The following SGSM1 variants were observed in gnomAD, a reference collection of about 807,000 sequenced individuals.
SGSM1 encodes the protein RUN and TBC1 domain containing 2.
In SGSM1, 73 loss-of-function variants were observed where a neutral mutation model predicts 133.8. The ratio of observed to expected loss-of-function variants is 0.55; its 90% CI spans 0.45 to 0.66. The LOEUF is 0.66. SGSM1 is among the 30% of genes least tolerant of loss of function. The probability of loss-of-function intolerance (pLI) is 0.00; values close to 1 mark genes in which losing one functional copy is unlikely to be tolerated. For missense variants in SGSM1, 1,213 were observed against 1,448.1 expected, an observed-to-expected ratio of 0.84 and a Z score of 2.64; for synonymous variants, 563 against 573.0, an observed-to-expected ratio of 0.98 and a Z score of 0.25.
rs1375025699 is a variant in SGSM1, at chr22:24,844,771, G to C, written c.64-126G>C. ...AGGCGAGGAGGGGGAAGGAAAGCAG[G>C]TGTCAAAACATCCCAAACAGCCTGA... On this transcript the variant is annotated intron_variant, in intron 2 of 24. Transcript: ENST00000400358. 48 of 684,208 alleles carry C rather than the reference G, an allele frequency of 7.0e-5. No homozygotes were observed. In the East Asian group the frequency reaches 1.3e-3, roughly 19 times the overall value. The allele number at this position is 684,208 out of a possible 1,614,324, so 42.4% of individuals were successfully genotyped here. A position where few individuals can be genotyped will look rare whatever the true frequency, so the allele number is the denominator to read the frequency against.
chr22:24,829,321 A>C (rs7285879), intron 2 of SGSM1, among the ~76,000 whole-genome samples: 13,620 of 152,176 alleles, frequency 0.09, 2,045 homozygotes, highest in African/African-American at 0.31. Flanking sequence ...TATAAATGAG[A>C]GCTAAATGAT....
chr22:24,841,689 G>A (rs531749673), intron 2 of SGSM1, among the ~76,000 whole-genome samples: 23 of 152,288 alleles, frequency 1.5e-4, no homozygotes, highest in East Asian at 7.7e-4. Flanking sequence ...GCTGAGAAAC[G>A]GTTGGAATCT....
chr22:24,829,781 C>T (rs1014360741), intron 2 of SGSM1, among the ~76,000 whole-genome samples: 1 of 152,184 alleles, frequency 6.6e-6, no homozygotes, highest in African/African-American at 2.4e-5. Flanking sequence ...TACACAGTTC[C>T]TGGAACGTAG....
intron 2 of SGSM1, among the ~76,000 whole-genome samples, chr22:24,833,643 C>T (rs960706248): frequency 1.3e-4 from 18 of 137,918 alleles, no homozygotes; most frequent in East Asian, 2.1e-4. Context: ...GGCGACAGAG[C>T]GAGACTCCGT....
intron 14 of SGSM1, among the ~76,000 whole-genome samples, chr22:24,882,824 C>T (rs571357364): frequency 1.1e-4 from 16 of 152,140 alleles, no homozygotes; most frequent in Non-Finnish European, 1.8e-4. Flanking sequence ...CATGCTGCTG[C>T]GCATGACAGG....
chr22:24,850,717 C>T (rs935387153), intron 5 of SGSM1, among the ~76,000 whole-genome samples: 5 of 152,184 alleles, frequency 3.3e-5, no homozygotes, highest in African/African-American at 1.2e-4. Flanking sequence ...CTCTCTGTGC[C>T]CGTTATCTCT....
chr22:24,921,614 T>G (rs1934011110), intron 24 of SGSM1, among the ~76,000 whole-genome samples: 1 of 152,148 alleles, frequency 6.6e-6, no homozygotes, highest in African/African-American at 2.4e-5. Context: ...GCCAAAAGTT[T>G]CATTTAGTAA....
At chr22:24,896,075 G>A (rs766968308) in intron 18 of SGSM1, among the ~76,000 whole-genome samples, 8 of 152,036 alleles carry the variant, frequency 5.3e-5, no homozygotes, top group Non-Finnish European at 8.8e-5. Flanking sequence ...AAAGCCAAGT[G>A]CAAAAACATG....
Position 24,859,763 on chromosome 22 carries a change from G to A in SGSM1, c.849G>A (p.Thr283=), listed in dbSNP as rs777197976. ...AVPGYLSLHQ[T]ADVMTLKWTP... is the part of the protein sequence containing the mutation. The stretch of plus-strand genomic sequence containing the variant: ...CAGGGTACCTGTCCCTGCACCAGAC[G>A]GCTGACGTCATGACCTTGAAGTGGA... Residue 283 remains threonine (T), a synonymous_variant, in exon 9 of 25, where the codon ACG becomes ACA. Transcript: ENST00000400358. 4 of 1,613,942 alleles carry A rather than the reference G, an allele frequency of 2.5e-6. No individual in the cohort carries two copies. The highest frequency in any genetic ancestry group is 2.2e-5 in the South Asian group (2 of 91,084).
chr22:24,881,778 A>G (rs1181960152), intron 14 of SGSM1, among the ~76,000 whole-genome samples: 1 of 152,206 alleles, frequency 6.6e-6, no homozygotes, highest in Non-Finnish European at 1.5e-5. Context: ...CAGAAGGTCC[A>G]GGGTTCTCTC....
At chr22:24,831,519 T>C (rs1929119639) in intron 2 of SGSM1, among the ~76,000 whole-genome samples, 1 of 152,140 alleles carries the variant, frequency 6.6e-6, no homozygotes. Flanking sequence ...ACAGTTCTGA[T>C]GGGATCTGGG....
intron 24 of SGSM1, among the ~76,000 whole-genome samples, chr22:24,922,856 A>G (rs945947326): frequency 2.6e-5 from 4 of 152,234 alleles, no homozygotes; most frequent in African/African-American, 7.2e-5. Context: ...CCCTGGGTAC[A>G]GTGGCTTACG....
chr22:24,850,471 C>G, intron 5 of SGSM1, 39 bp downstream of exon 5: 7 of 1,598,418 alleles, frequency 4.4e-6, no homozygotes, highest in Non-Finnish European at 6.0e-6. Flanking sequence ...ATGCTCTGCC[C>G]CCACCTGCCG....
At chr22:24,869,001 C>T (rs1452140484) in intron 12 of SGSM1, 146 bp downstream of exon 12, 2 of 1,229,338 alleles carry the variant, frequency 1.6e-6, no homozygotes, top group Non-Finnish European at 2.2e-6. Context: ...TCTTGGCAGC[C>T]TCAGTTTCCC....
intron 19 of SGSM1, among the ~76,000 whole-genome samples, chr22:24,900,462 T>A (rs75045783): frequency 6.6e-6 from 1 of 151,482 alleles, no homozygotes; most frequent in Non-Finnish European, 1.5e-5. Context: ...TGCAATGGCG[T>A]GATCTCGACT....
At chr22:24,854,082 A>G (rs926074911) in intron 5 of SGSM1, among the ~76,000 whole-genome samples, 1 of 152,140 alleles carries the variant, frequency 6.6e-6, no homozygotes, top group African/African-American at 2.4e-5. Context: ...GGTCCCTCCC[A>G]CAATATGTGG....
At chr22:24,885,534 G>A (rs1395016851) in intron 15 of SGSM1, among the ~76,000 whole-genome samples, 1 of 151,358 alleles carries the variant, frequency 6.6e-6, no homozygotes, top group Non-Finnish European at 1.5e-5. Flanking sequence ...CGCTTCCCGG[G>A]TTCAAGCGAT....
At chr22:24,886,504 G>C (rs1431660388) in intron 15 of SGSM1, 96 bp from the exon 16 acceptor site, 1 of 1,461,720 alleles carries the variant, frequency 6.8e-7, no homozygotes, top group Non-Finnish European at 9.2e-7. Flanking sequence ...AGGAGTTCAA[G>C]ACCAATCTGG....
chr22:24,902,652 A>G (rs1044802522), intron 20 of SGSM1, among the ~76,000 whole-genome samples: 2 of 152,078 alleles, frequency 1.3e-5, no homozygotes, highest in Admixed American at 6.6e-5. Context: ...ACACCATTGT[A>G]CTCCAGCCTG....
Sources: gnomAD v4.1 joint callset for allele counts (sites outside exome capture counted in the v4.1 genomes callset) on GRCh38, gnomAD v4.1.1 for gene constraint, MANE v1.5 for transcripts, NCBI Gene and HGNC (gene_info 2026-07-23, HGNC 2026-07-21) for gene names.